The following PARD3 variants were observed in gnomAD, a reference collection of about 807,000 sequenced individuals.
PARD3 encodes par-3 family cell polarity regulator.
A neutral mutation model predicts 155.4 loss-of-function variants in PARD3; 75 were observed. That is an observed-to-expected ratio of 0.48 (90% confidence interval 0.40 to 0.58). The LOEUF is 0.58. Among genes scored for constraint, PARD3 ranks in the 20% least tolerant of loss-of-function variants. The probability of loss-of-function intolerance (pLI) is 0.00; values close to 1 mark genes in which losing one functional copy is unlikely to be tolerated. For synonymous variants in PARD3, 576 were observed against 610.5 expected (o/e 0.94, Z 0.83); for missense variants, 1,642 against 1,721.7 (o/e 0.95, Z 0.82).
chr10:34,190,133 G>C (rs1440552761), intron 22 of PARD3, among the ~76,000 whole-genome samples: 2 of 152,160 alleles, frequency 1.3e-5, no homozygotes, highest in Non-Finnish European at 2.9e-5. Context: ...TGTAAGAAAA[G>C]TTCCCTAAGG....
intron 7 of PARD3, 146 bp downstream of exon 7, chr10:34,399,184 T>C (rs931727510): frequency 3.0e-5 from 19 of 633,348 alleles, no homozygotes; most frequent in Non-Finnish European, 4.5e-5. Context: ...TTATGACATA[T>C]ATATAGGAAT....
At chr10:34,133,373 C>T (rs28613073) in intron 22 of PARD3, among the ~76,000 whole-genome samples, 1 of 152,202 alleles carries the variant, frequency 6.6e-6, no homozygotes, top group Non-Finnish European at 1.5e-5. Flanking sequence ...CACACCCCTG[C>T]TGCATGTCCT....
intron 2 of PARD3, among the ~76,000 whole-genome samples, chr10:34,564,388 T>A (rs1048833887): frequency 2.0e-5 from 3 of 152,226 alleles, no homozygotes; most frequent in Non-Finnish European, 4.4e-5. Flanking sequence ...TTATCAGGGA[T>A]CTACTTTTCT....
intron 1 of PARD3, among the ~76,000 whole-genome samples, chr10:34,714,544 C>T (rs1182222172): frequency 6.6e-6 from 1 of 152,140 alleles, no homozygotes; most frequent in East Asian, 1.9e-4. Flanking sequence ...CATACCACGG[C>T]ACAGCTTAGA....
At chr10:34,357,271 A>G (rs1838984855) in intron 14 of PARD3, among the ~76,000 whole-genome samples, 1 of 152,214 alleles carries the variant, frequency 6.6e-6, no homozygotes, top group Non-Finnish European at 1.5e-5. Flanking sequence ...TCTGTGAAGG[A>G]AAACATTGAG....
At chr10:34,761,929 G>A (rs1751299749) in intron 1 of PARD3, among the ~76,000 whole-genome samples, 1 of 151,786 alleles carries the variant, frequency 6.6e-6, no homozygotes, top group Non-Finnish European at 1.5e-5. Context: ...ACATAACATA[G>A]ATATAAATAC....
intron 3 of PARD3, among the ~76,000 whole-genome samples, chr10:34,492,111 G>T (rs959569863): frequency 6.6e-6 from 1 of 152,164 alleles, no homozygotes; most frequent in Non-Finnish European, 1.5e-5. Context: ...GAATTAAGTA[G>T]GGATGGTGAT....
chr10:34,793,718 G>A (rs1232887559), intron 1 of PARD3, among the ~76,000 whole-genome samples: 4 of 151,854 alleles, frequency 2.6e-5, no homozygotes, highest in African/African-American at 7.3e-5. Flanking sequence ...CCTGGGAGGC[G>A]GAGGTTGCAG....
At chr10:34,783,954 G>C (rs1840607239) in intron 1 of PARD3, among the ~76,000 whole-genome samples, 1 of 152,118 alleles carries the variant, frequency 6.6e-6, no homozygotes, top group Non-Finnish European at 1.5e-5. Flanking sequence ...CACGGCTGTA[G>C]ACCCAGTACT....
intron 2 of PARD3, among the ~76,000 whole-genome samples, chr10:34,533,911 A>G (rs1346204327): frequency 6.6e-6 from 1 of 152,198 alleles, no homozygotes; most frequent in Non-Finnish European, 1.5e-5. Flanking sequence ...ATGGCAAAAC[A>G]GTCCTTTGCA....
chr10:34,536,682 T>TA (rs1468227090), intron 2 of PARD3, among the ~76,000 whole-genome samples: 1 of 152,192 alleles, frequency 6.6e-6, no homozygotes, highest in East Asian at 1.9e-4. Context: ...CACACCAGAA[T>TA]ACAATCACCA....
At chr10:34,453,076 A>G (rs1053453058) in intron 4 of PARD3, among the ~76,000 whole-genome samples, 1 of 152,232 alleles carries the variant, frequency 6.6e-6, no homozygotes, top group Non-Finnish European at 1.5e-5. Flanking sequence ...TTCCTAAAAC[A>G]TATGTTGGAT....
At chr10:34,630,689 C>T (rs184020680) in intron 2 of PARD3, among the ~76,000 whole-genome samples, 111 of 152,160 alleles carry the variant, frequency 7.3e-4, no homozygotes, top group African/African-American at 2.6e-3. Context: ...AGCGATCCTC[C>T]CACCTTGGCC....
At chr10:34,651,243 T>C (rs1220650311) in intron 2 of PARD3, among the ~76,000 whole-genome samples, 1 of 152,158 alleles carries the variant, frequency 6.6e-6, no homozygotes, top group Non-Finnish European at 1.5e-5. Flanking sequence ...AGTCAAATAC[T>C]TTCCATGTCT....
intron 2 of PARD3, among the ~76,000 whole-genome samples, chr10:34,579,924 G>A (rs566454609): frequency 2.1e-5 from 3 of 144,070 alleles, no homozygotes; most frequent in Non-Finnish European, 4.5e-5. Flanking sequence ...AAAAAAAATA[G>A]TTTTTGAGAT....
At chr10:34,405,079 AACAC>A (rs200596601) in intron 5 of PARD3, among the ~76,000 whole-genome samples, 1,334 of 59,396 alleles carry the variant, frequency 0.022, 22 homozygotes, top group East Asian at 0.1. Flanking sequence ...CACAAACACA[AACAC>A]ACACACACAC....
chr10:34,563,090 A>C (rs774996278), intron 2 of PARD3, among the ~76,000 whole-genome samples: 2 of 152,138 alleles, frequency 1.3e-5, no homozygotes, highest in East Asian at 3.9e-4. Flanking sequence ...GATTTTAAAA[A>C]ACAAATCCAT....
At chr10:34,179,157 TGTGCGTGCGCGCACAC>T (rs751393655) in intron 22 of PARD3, among the ~76,000 whole-genome samples, 79 of 138,958 alleles carry the variant, frequency 5.7e-4, no homozygotes, top group Admixed American at 1.1e-3. Flanking sequence ...ATAGCACGCA[TGTGCGTGCGCGCACAC>T]ACACACACAC....
intron 20 of PARD3, among the ~76,000 whole-genome samples, chr10:34,295,672 T>C (rs530394328): frequency 6.6e-6 from 1 of 152,322 alleles, no homozygotes; most frequent in Admixed American, 6.5e-5. Context: ...GTGGAAACTA[T>C]CTTGTCTAAA....
Sources: allele counts gnomAD v4.1 joint callset (sites outside exome capture counted in the v4.1 genomes callset), GRCh38; gene constraint gnomAD v4.1.1; transcripts MANE v1.5; gene names NCBI Gene and HGNC (gene_info 2026-07-23, HGNC 2026-07-21).